Variants in BICD1 observed in about 807,000 individuals in gnomAD.
BICD1 encodes the protein protein bicaudal D homolog 1.
A neutral mutation model predicts 92.5 loss-of-function variants in BICD1; 35 were observed. That is an observed-to-expected ratio of 0.38 (90% confidence interval 0.29 to 0.50). The LOEUF is 0.50. BICD1 is among the 20% of genes least tolerant of loss of function. BICD1 has a pLI of 0.93. For synonymous variants in BICD1, 429 were observed against 465.1 expected (o/e 0.92, Z 1.00); for missense variants, 950 against 1,189.8 (o/e 0.80, Z 2.97).
At chr12:32,341,229 A>G (rs1215135412) in intron 8 of BICD1, among the ~76,000 whole-genome samples, 1 of 152,138 alleles carries the variant, frequency 6.6e-6, no homozygotes, top group Non-Finnish European at 1.5e-5. Context: ...TAATCCCAGC[A>G]CTTTGGGAGG....
At chr12:32,320,469 C>T (rs1288175048) in intron 4 of BICD1, among the ~76,000 whole-genome samples, 27 of 152,174 alleles carry the variant, frequency 1.8e-4, no homozygotes, top group African/African-American at 5.3e-4. Flanking sequence ...TGGTGAAACC[C>T]CATCTCTACT....
intron 1 of BICD1, among the ~76,000 whole-genome samples, chr12:32,141,552 C>T (rs1199155952): frequency 6.6e-6 from 1 of 152,156 alleles, no homozygotes; most frequent in Non-Finnish European, 1.5e-5. Context: ...CGGCTCACTG[C>T]ACCCTCCACC....
At chr12:32,348,598 G>A (rs534121106) in intron 8 of BICD1, among the ~76,000 whole-genome samples, 4 of 151,650 alleles carry the variant, frequency 2.6e-5, no homozygotes, top group South Asian at 2.1e-4. Context: ...GGCTGTTTCC[G>A]GAGGAGTAAC....
At chr12:32,258,665 C>T (rs149491893) in intron 2 of BICD1, among the ~76,000 whole-genome samples, 3,922 of 152,158 alleles carry the variant, frequency 0.026, 175 homozygotes, top group African/African-American at 0.089. Context: ...AAGCAAGTCA[C>T]GTGATCATAG....
chr12:32,327,426 T>C lies in BICD1; in HGVS notation c.1006-35T>C. ...ATTAAGTTCATCATTGGTGCTGCCT[T>C]GAGGTGATTCAGAAACTTTCTTTTG... On this transcript the variant is annotated intron_variant, in intron 4 of 9. Transcript: ENST00000652176. 3 of 1,568,474 alleles carry C rather than the reference T, an allele frequency of 1.9e-6. No individual in the cohort carries two copies. In the African/African-American group the frequency reaches 4.0e-5, roughly 21 times the overall value.
chr12:32,256,809 T>C (rs1195700743), intron 2 of BICD1, among the ~76,000 whole-genome samples: 2 of 152,180 alleles, frequency 1.3e-5, no homozygotes, highest in African/African-American at 4.8e-5. Flanking sequence ...CATGAACAGA[T>C]TCTCATTCAA....
At chr12:32,348,181 G>A (rs6488045) in intron 8 of BICD1, among the ~76,000 whole-genome samples, 82,556 of 151,946 alleles carry the variant, frequency 0.54, 23,388 homozygotes, top group African/African-American at 0.72. Context: ...TTCCTTAAAA[G>A]ATTTCATATT....
chr12:32,199,859 T>G (rs535611233), intron 1 of BICD1, among the ~76,000 whole-genome samples: 2 of 152,182 alleles, frequency 1.3e-5, no homozygotes, highest in African/African-American at 4.8e-5. Context: ...AAAACTCGTT[T>G]AATCCTAAAT....
At chr12:32,299,676 T>C (rs977495380) in intron 3 of BICD1, among the ~76,000 whole-genome samples, 1 of 151,934 alleles carries the variant, frequency 6.6e-6, no homozygotes, top group South Asian at 2.1e-4. Flanking sequence ...GGCAACATAG[T>C]GAGACCTCGT....
Position 32,380,810 on chromosome 12 carries a change from A to G in BICD1, c.*3183A>G, listed in dbSNP as rs1940150625. ...TTTAGTCTAACGAAGAGGAGGTACAATAGTAGTCTTCAAGAAAAGAATATT... is the reference window on the plus strand; with the variant it reads ...TTTAGTCTAACGAAGAGGAGGTACAGTAGTAGTCTTCAAGAAAAGAATATT... On this transcript the variant is annotated 3_prime_UTR_variant, in exon 10 of 10. Coordinates refer to ENST00000652176, the MANE Select transcript of BICD1 (RefSeq NM_001714.4). 1 of 151,922 alleles carries G rather than the reference A, an allele frequency of 6.6e-6. No homozygotes were observed. Among genetic ancestry groups the G allele is most frequent in the Non-Finnish European group, 1.5e-5 (1 of 67,958 alleles). 9.4% of individuals were successfully genotyped at this position (151,922 alleles called of 1,614,324 possible).
At chr12:32,301,949 C>T (rs551078282) in intron 3 of BICD1, among the ~76,000 whole-genome samples, 28 of 152,188 alleles carry the variant, frequency 1.8e-4, no homozygotes, top group East Asian at 5.8e-4. Flanking sequence ...TGCAGTGGCG[C>T]GATCTCGGCT....
At chr12:32,126,222 C>T (rs941442765) in intron 1 of BICD1, among the ~76,000 whole-genome samples, 10 of 152,062 alleles carry the variant, frequency 6.6e-5, no homozygotes, top group African/African-American at 2.4e-4. Flanking sequence ...GACCCTACAA[C>T]TATTGTGGGG....
At chr12:32,302,663 T>G (rs1024675110) in intron 3 of BICD1, among the ~76,000 whole-genome samples, 5 of 152,196 alleles carry the variant, frequency 3.3e-5, no homozygotes, top group African/African-American at 1.2e-4. Flanking sequence ...AGTTGATATG[T>G]AACCCAGAAA....
At chr12:32,168,374 C>G (rs1943833219) in intron 1 of BICD1, among the ~76,000 whole-genome samples, 1 of 151,866 alleles carries the variant, frequency 6.6e-6, no homozygotes, top group Non-Finnish European at 1.5e-5. Flanking sequence ...CTTTGAAGAC[C>G]CTCAGTTCAT....
chr12:32,196,883 C>G (rs66681130), intron 1 of BICD1, among the ~76,000 whole-genome samples: 4 of 152,116 alleles, frequency 2.6e-5, no homozygotes, highest in African/African-American at 7.2e-5. Context: ...TCATGTTGTA[C>G]GCCTTGAATA....
intron 1 of BICD1, among the ~76,000 whole-genome samples, chr12:32,215,650 T>G (rs1285769166): frequency 6.6e-6 from 1 of 151,930 alleles, no homozygotes; most frequent in Non-Finnish European, 1.5e-5. Flanking sequence ...AAGAGTTGTC[T>G]AAAAAAATGA....
At chr12:32,296,492 C>A (rs1321733521) in intron 3 of BICD1, among the ~76,000 whole-genome samples, 1 of 151,616 alleles carries the variant, frequency 6.6e-6, no homozygotes, top group Non-Finnish European at 1.5e-5. Context: ...CTCCTGACCT[C>A]ATGATCTGCC....
In BICD1 at chr12:32,267,166, C is replaced by T. The variant is rs549017512; in HGVS notation, c.427-26828C>T. Reference sequence around the variant, plus strand: ...ACCATGCAATCGAAAGATCACACACCTGATACTACTATGTGTCTATCCATT... The same window carrying T: ...ACCATGCAATCGAAAGATCACACACTTGATACTACTATGTGTCTATCCATT... On this transcript the variant is annotated intron_variant, in intron 2 of 9. Transcript: ENST00000652176. 4.6e-5 allele frequency among the ~76,000 whole-genome samples: 7 copies of T among 152,330 alleles called. No individual in the cohort carries two copies. In the South Asian group the frequency reaches 1.5e-3, roughly 32 times the overall value.
intron 2 of BICD1, among the ~76,000 whole-genome samples, chr12:32,283,717 T>C (rs1947481212): frequency 6.6e-6 from 1 of 152,158 alleles, no homozygotes; most frequent in Admixed American, 6.5e-5. Context: ...GTGCAGTTAT[T>C]GGTGATAACA....
Sources: allele counts gnomAD v4.1 joint callset (sites outside exome capture counted in the v4.1 genomes callset), GRCh38; gene constraint gnomAD v4.1.1; transcripts MANE v1.5; gene names NCBI Gene and HGNC (gene_info 2026-07-23, HGNC 2026-07-21).